TANC1: variants seen among roughly 807,000 people sequenced by gnomAD.
The protein encoded by TANC1 is tetratricopeptide repeat, ankyrin repeat and coiled-coil containing 1, also known as protein TANC1.
A neutral mutation model predicts 149.7 loss-of-function variants in TANC1; 77 were observed. That is an observed-to-expected ratio of 0.51 (90% CI 0.43 to 0.62). The LOEUF is 0.62. TANC1 is among the 20% of genes least tolerant of loss of function. The pLI is 0.00. For synonymous variants in TANC1, 854 were observed against 925.0 expected (o/e 0.92, Z 1.39); for missense variants, 1,985 against 2,321.8 (o/e 0.85, Z 2.98).
intron 16 of TANC1, among the ~76,000 whole-genome samples, chr2:159,190,713 A>G (rs6711669): frequency 0.23 from 35,355 of 152,004 alleles, 5,311 homozygotes; most frequent in Non-Finnish European, 0.35. Flanking sequence ...CACCGCAACC[A>G]GCTAATTTTT....
chr2:158,983,627 T>C (rs1175685677), intron 1 of TANC1, among the ~76,000 whole-genome samples: 6 of 152,222 alleles, frequency 3.9e-5, no homozygotes, highest in African/African-American at 1.2e-4. Context: ...CCTCAGACTT[T>C]TGTAATGTTT....
chr2:159,100,248 A>G (rs1236519280), intron 4 of TANC1, among the ~76,000 whole-genome samples: 1 of 152,196 alleles, frequency 6.6e-6, no homozygotes, highest in Non-Finnish European at 1.5e-5. Flanking sequence ...TGCATGTCAG[A>G]TATAATTTTA....
intron 2 of TANC1, among the ~76,000 whole-genome samples, chr2:159,047,926 C>T (rs913602309): frequency 1.3e-5 from 2 of 152,188 alleles, no homozygotes; most frequent in East Asian, 1.9e-4. Flanking sequence ...AATAATACAA[C>T]ACATTAGTGA....
At chr2:159,032,247 A>G (rs1238177461) in intron 2 of TANC1, among the ~76,000 whole-genome samples, 1 of 152,230 alleles carries the variant, frequency 6.6e-6, no homozygotes, top group Non-Finnish European at 1.5e-5. Flanking sequence ...CTCAGATGGA[A>G]TATTCCAGAT....
intron 4 of TANC1, among the ~76,000 whole-genome samples, chr2:159,100,581 G>A (rs1410342924): frequency 6.6e-6 from 1 of 152,104 alleles, no homozygotes; most frequent in Admixed American, 6.6e-5. Context: ...GATGTTTTTG[G>A]TCCAAATGAT....
intron 2 of TANC1, among the ~76,000 whole-genome samples, chr2:159,058,665 A>G (rs149021832): frequency 1.1e-4 from 16 of 152,344 alleles, no homozygotes; most frequent in African/African-American, 3.8e-4. Context: ...GGATTGAACA[A>G]ATCCCTTTAC....
chr2:159,153,766 G>C (rs978446027), intron 7 of TANC1, among the ~76,000 whole-genome samples: 2 of 152,180 alleles, frequency 1.3e-5, no homozygotes, highest in Non-Finnish European at 2.9e-5. Context: ...TGACTCAGTT[G>C]TGGTTCTGTG....
At chr2:159,081,313 T>C (rs533503668) in intron 3 of TANC1, among the ~76,000 whole-genome samples, 1 of 152,126 alleles carries the variant, frequency 6.6e-6, no homozygotes, top group Non-Finnish European at 1.5e-5. Flanking sequence ...GTCCTTTCAA[T>C]TAGAGAAGGG....
intron 4 of TANC1, among the ~76,000 whole-genome samples, chr2:159,102,258 G>A (rs1396704244): frequency 6.6e-6 from 1 of 152,012 alleles, no homozygotes; most frequent in Non-Finnish European, 1.5e-5. Context: ...TAACCCTCTT[G>A]TGTGCTGCTT....
rs1309603378 is a variant in TANC1 at position 159,163,518 on chromosome 2, A to G, written c.918A>G (p.Leu306=). The part of the protein sequence containing the change: ...PVPYSQGSSS[L]IMPRPNSVAA... ...CTTATTCTCAGGGCTCCAGCTCACT[A>G]ATAATGCCACGGCCCAACTCAGTTG... Residue 306 remains leucine, a synonymous_variant, in exon 8 of 27, where the codon CTA becomes CTG. Transcript: ENST00000263635. The G allele has an allele frequency of 6.2e-7, 1 of 1,612,886 alleles. No individual in the cohort carries two copies. Among genetic ancestry groups the G allele is most frequent in the Admixed American group, 1.7e-5 (1 of 60,020 alleles).
chr2:159,226,115 A>C (rs111955966), intron 24 of TANC1: 2 of 327,336 alleles, frequency 6.1e-6, no homozygotes, highest in African/African-American at 4.4e-5. Context: ...GGTTGCAGTG[A>C]GCTGAGATTG....
chr2:158,992,647 C>T (rs995609228), intron 1 of TANC1, among the ~76,000 whole-genome samples: 22 of 149,878 alleles, frequency 1.5e-4, no homozygotes, highest in Admixed American at 2.0e-4. Flanking sequence ...GGACTACAGG[C>T]GCCCACCACC....
At chr2:159,044,403 A>G (rs1481038372) in intron 2 of TANC1, among the ~76,000 whole-genome samples, 1 of 151,932 alleles carries the variant, frequency 6.6e-6, no homozygotes, top group Non-Finnish European at 1.5e-5. Context: ...GCGCCACTGT[A>G]CTCCAGCCTG....
At chr2:159,006,758 A>G (rs1325012666) in intron 2 of TANC1, among the ~76,000 whole-genome samples, 1 of 152,206 alleles carries the variant, frequency 6.6e-6, no homozygotes, top group African/African-American at 2.4e-5. Flanking sequence ...TTATATGTAG[A>G]TGAGATATTG....
intron 19 of TANC1, among the ~76,000 whole-genome samples, chr2:159,203,068 C>T (rs1357584598): frequency 6.6e-6 from 1 of 152,184 alleles, no homozygotes; most frequent in Non-Finnish European, 1.5e-5. Context: ...AACAGAGGCC[C>T]TTCTGCTCCA....
At chr2:159,207,788 G>T (rs6709296) in intron 19 of TANC1, among the ~76,000 whole-genome samples, 81,863 of 149,924 alleles carry the variant, frequency 0.55, 23,715 homozygotes, top group East Asian at 0.88. Flanking sequence ...GTTTAATTTC[G>T]GAGGCTTATT....
intron 3 of TANC1, among the ~76,000 whole-genome samples, chr2:159,079,346 C>CTTTTTTT (rs68143585): frequency 2.9e-4 from 32 of 109,880 alleles, no homozygotes; most frequent in South Asian, 6.9e-4. Context: ...GTGTGTGTGT[C>CTTTTTTT]TTTTTTTTTT....
intron 22 of TANC1, among the ~76,000 whole-genome samples, chr2:159,222,501 G>C (rs766018570): frequency 3.9e-5 from 6 of 152,126 alleles, no homozygotes; most frequent in Non-Finnish European, 8.8e-5. Flanking sequence ...CATTGTGACT[G>C]GCTTATTTCA....
intron 4 of TANC1, among the ~76,000 whole-genome samples, chr2:159,117,977 ATTTTTCTGTACTGGAG>A (rs1559292593): frequency 1.2e-5 from 1 of 84,742 alleles, no homozygotes; most frequent in Non-Finnish European, 2.5e-5. Flanking sequence ...CTCTACTGGA[ATTTTTCTGTACTGGAG>A]TTTTTCTCTA....
Sources: gnomAD v4.1 joint callset for allele counts (sites outside exome capture counted in the v4.1 genomes callset) on GRCh38, gnomAD v4.1.1 for gene constraint, MANE v1.5 for transcripts, NCBI Gene and HGNC (gene_info 2026-07-23, HGNC 2026-07-21) for gene names.